The following PDE1C variants were observed in gnomAD, a reference collection of about 807,000 sequenced individuals.
The protein encoded by PDE1C is phosphodiesterase 1C.
PDE1C carries 62 observed loss-of-function variants against 93.1 expected under a neutral mutation model. The observed-to-expected ratio is 0.67, with a 90% CI of 0.54 to 0.82. The LOEUF (loss-of-function observed/expected upper bound fraction) is 0.82, where lower values mean the gene tolerates loss of function less well. Among genes scored for constraint, PDE1C ranks in the 40% least tolerant of loss-of-function variants. The probability of loss-of-function intolerance (pLI) is 0.00; values close to 1 mark genes in which losing one functional copy is unlikely to be tolerated. For missense variants in PDE1C, 742 were observed against 884.6 expected, an observed-to-expected ratio of 0.84 and a Z score of 2.04; for synonymous variants, 325 against 310.1, an observed-to-expected ratio of 1.05 and a Z score of -0.50.
intron 1 of PDE1C, among the ~76,000 whole-genome samples, chr7:32,328,037 T>C (rs1033974969): frequency 6.6e-6 from 1 of 152,186 alleles, no homozygotes; most frequent in African/African-American, 2.4e-5. Flanking sequence ...GGTGCACATA[T>C]GTAGGCATTT....
chr7:31,995,314 T>C (rs1784587387), intron 2 of PDE1C, among the ~76,000 whole-genome samples: 2 of 152,266 alleles, frequency 1.3e-5, no homozygotes, highest in East Asian at 3.9e-4. Context: ...TGTGAACTGC[T>C]TGATGGACAA....
At chr7:32,126,763 G>T (rs1044494729) in intron 3 of PDE1C, among the ~76,000 whole-genome samples, 1 of 152,064 alleles carries the variant, frequency 6.6e-6, no homozygotes, top group African/African-American at 2.4e-5. Flanking sequence ...AAAAAAGAGA[G>T]GTACTGGACT....
chr7:31,879,287 A>G, intron 3 of PDE1C, 109 bp from the exon 4 acceptor site: 1 of 1,097,956 alleles, frequency 9.1e-7, no homozygotes, highest in Non-Finnish European at 1.3e-6. Flanking sequence ...GTGCAAAGAA[A>G]CCAAATTAAA....
At chr7:32,250,463 C>A (rs941532561) in intron 1 of PDE1C, among the ~76,000 whole-genome samples, 1 of 152,160 alleles carries the variant, frequency 6.6e-6, no homozygotes, top group Non-Finnish European at 1.5e-5. Context: ...TTGAATCAGA[C>A]CCCTGGCTCC....
intron 3 of PDE1C, among the ~76,000 whole-genome samples, chr7:32,114,696 A>C (rs534080487): frequency 6.6e-6 from 1 of 152,300 alleles, no homozygotes; most frequent in South Asian, 2.1e-4. Context: ...AATGGGCGAA[A>C]ATTTTTGCAA....
chr7:32,166,106 A>C (rs1802249939), intron 3 of PDE1C, among the ~76,000 whole-genome samples: 1 of 152,172 alleles, frequency 6.6e-6, no homozygotes, highest in African/African-American at 2.4e-5. Context: ...AGCTTGATTT[A>C]ATCATTTTGC....
At chr7:31,926,136 T>TACAC (rs58101155) in intron 2 of PDE1C, among the ~76,000 whole-genome samples, 7 of 151,132 alleles carry the variant, frequency 4.6e-5, no homozygotes, top group Admixed American at 4.0e-4. Context: ...CGTCTGTACA[T>TACAC]ACACACACAC....
chr7:31,626,424 T>C, the PDE1C span, among the ~76,000 whole-genome samples: 1 of 152,238 alleles, frequency 6.6e-6, no homozygotes, highest in East Asian at 1.9e-4. Flanking sequence ...TTATCATAAT[T>C]AATCTGGTAC....
At chr7:31,908,885 A>T (rs1451237263) in intron 2 of PDE1C, among the ~76,000 whole-genome samples, 1 of 152,202 alleles carries the variant, frequency 6.6e-6, no homozygotes, top group Non-Finnish European at 1.5e-5. Context: ...GACTTTAAAT[A>T]AAGGAGATTG....
intron 1 of PDE1C, among the ~76,000 whole-genome samples, chr7:32,397,879 G>T (rs1175345502): frequency 6.6e-6 from 1 of 151,826 alleles, no homozygotes; most frequent in Admixed American, 6.5e-5. Flanking sequence ...AATTAGCCGG[G>T]CATGGTGGCA....
At chr7:31,921,189 A>G (rs1802578769) in intron 2 of PDE1C, among the ~76,000 whole-genome samples, 1 of 152,210 alleles carries the variant, frequency 6.6e-6, no homozygotes, top group South Asian at 2.1e-4. Flanking sequence ...TCTTGAAACT[A>G]GAGTTCTAGA....
chr7:31,807,119 C>T (rs967100910), intron 16 of PDE1C, among the ~76,000 whole-genome samples: 1 of 151,758 alleles, frequency 6.6e-6, no homozygotes, highest in African/African-American at 2.4e-5. Flanking sequence ...CTATTGATAC[C>T]AAAGCAGTAA....
chr7:32,304,589 G>A (rs944914162), intron 1 of PDE1C, among the ~76,000 whole-genome samples: 2 of 151,990 alleles, frequency 1.3e-5, no homozygotes, highest in Non-Finnish European at 2.9e-5. Context: ...TCCTCTTTTT[G>A]TTTCCTCAAA....
intron 1 of PDE1C, among the ~76,000 whole-genome samples, chr7:32,296,157 T>C (rs1248741240): frequency 6.6e-6 from 1 of 152,240 alleles, no homozygotes; most frequent in Non-Finnish European, 1.5e-5. Context: ...CATTGGATGA[T>C]AAAATGACAG....
intron 3 of PDE1C, among the ~76,000 whole-genome samples, chr7:32,156,509 T>C (rs962395477): frequency 6.6e-6 from 1 of 152,222 alleles, no homozygotes; most frequent in Non-Finnish European, 1.5e-5. Context: ...TTAGGGTTGA[T>C]GTCTCTCCCT....
At chr7:32,376,956 C>G (rs1399676564) in intron 1 of PDE1C, among the ~76,000 whole-genome samples, 1 of 152,066 alleles carries the variant, frequency 6.6e-6, no homozygotes, top group Non-Finnish European at 1.5e-5. Context: ...CACAGTGCTG[C>G]GATTACAGGT....
At chr7:31,967,930 C>A (rs1291751077) in intron 2 of PDE1C, among the ~76,000 whole-genome samples, 5 of 152,096 alleles carry the variant, frequency 3.3e-5, no homozygotes, top group East Asian at 3.9e-4. Flanking sequence ...AAAAACTCTC[C>A]ATAAATTAGG....
At chr7:32,146,836 A>G (rs553312950) in intron 3 of PDE1C, among the ~76,000 whole-genome samples, 2 of 152,322 alleles carry the variant, frequency 1.3e-5, no homozygotes, top group East Asian at 3.9e-4. Flanking sequence ...AGGAAAGTTT[A>G]CTAAAACAGG....
intron 6 of PDE1C, among the ~76,000 whole-genome samples, chr7:31,870,544 T>C (rs1469872408): frequency 1.3e-5 from 2 of 151,898 alleles, no homozygotes; most frequent in Non-Finnish European, 1.5e-5. Flanking sequence ...CTTACCAAAA[T>C]TGAATCATGA....
Sources: gnomAD v4.1 joint callset for allele counts (sites outside exome capture counted in the v4.1 genomes callset) on GRCh38, gnomAD v4.1.1 for gene constraint, MANE v1.5 for transcripts, NCBI Gene and HGNC (gene_info 2026-07-23, HGNC 2026-07-21) for gene names.